The following GRIP1 variants were observed in gnomAD, a reference collection of about 807,000 sequenced individuals.
GRIP1 encodes the protein glutamate receptor interacting protein 1, also known as glutamate receptor-interacting protein 1.
A neutral mutation model predicts 129.9 loss-of-function variants in GRIP1; 45 were observed. The observed-to-expected ratio is 0.35, with a 90% confidence interval of 0.27 to 0.44. The LOEUF is 0.44. Among genes scored for constraint, GRIP1 ranks in the 20% least tolerant of loss-of-function variants. The pLI is 1.00. For missense variants in GRIP1, 1,196 were observed against 1,396.8 expected, an observed-to-expected ratio of 0.86 and a Z score of 2.29; for synonymous variants, 530 against 520.8, an observed-to-expected ratio of 1.02 and a Z score of -0.24.
chr12:66,871,777 A>G (rs952070099), intron 1 of GRIP1, among the ~76,000 whole-genome samples: 5 of 151,998 alleles, frequency 3.3e-5, no homozygotes, highest in African/African-American at 1.2e-4. Flanking sequence ...CCAGGTAGGG[A>G]TTTTGTTGAG....
chr12:66,736,499 A>G (rs1592791517), intron 1 of GRIP1, among the ~76,000 whole-genome samples: 1 of 151,700 alleles, frequency 6.6e-6, no homozygotes. Flanking sequence ...AAAGAAAATC[A>G]TAAGGAAGAG....
chr12:66,415,354 T>C (rs2057561320), intron 15 of GRIP1, among the ~76,000 whole-genome samples: 1 of 152,138 alleles, frequency 6.6e-6, no homozygotes, highest in South Asian at 2.1e-4. Context: ...GAAATACAAA[T>C]TGAAATCATA....
chr12:66,995,405 A>G (rs912299958), intron 1 of GRIP1, among the ~76,000 whole-genome samples: 8 of 152,176 alleles, frequency 5.3e-5, no homozygotes, highest in African/African-American at 1.9e-4. Context: ...TAACGTGAAA[A>G]TAACATCCAA....
At chr12:66,616,336 T>G (rs1034008947) in intron 1 of GRIP1, among the ~76,000 whole-genome samples, 1 of 152,132 alleles carries the variant, frequency 6.6e-6, no homozygotes, top group Non-Finnish European at 1.5e-5. Flanking sequence ...CAAATTAACA[T>G]GTTAACCCCA....
chr12:66,771,471 A>C (rs1229539962), intron 1 of GRIP1, among the ~76,000 whole-genome samples: 4 of 152,226 alleles, frequency 2.6e-5, no homozygotes, highest in Non-Finnish European at 5.9e-5. Flanking sequence ...CATTGAGTAC[A>C]TCATAAAGTA....
At chr12:66,672,281 T>C (rs2034117488) in intron 1 of GRIP1, among the ~76,000 whole-genome samples, 1 of 152,222 alleles carries the variant, frequency 6.6e-6, no homozygotes, top group Non-Finnish European at 1.5e-5. Context: ...TATTCAGCTA[T>C]TTAATAATGT....
intron 11 of GRIP1, among the ~76,000 whole-genome samples, chr12:66,452,164 A>G (rs1191600429): frequency 6.6e-6 from 1 of 152,196 alleles, no homozygotes; most frequent in African/African-American, 2.4e-5. Flanking sequence ...AGCAGGGCAA[A>G]CTAGCTAGAT....
At chr12:66,428,343 C>T (rs1251717526) in intron 14 of GRIP1, among the ~76,000 whole-genome samples, 2 of 152,112 alleles carry the variant, frequency 1.3e-5, no homozygotes, top group Non-Finnish European at 2.9e-5. Flanking sequence ...CCAATCTCTT[C>T]TAAATATACT....
intron 1 of GRIP1, among the ~76,000 whole-genome samples, chr12:66,911,039 T>C (rs1156832372): frequency 6.6e-6 from 1 of 152,234 alleles, no homozygotes; most frequent in African/African-American, 2.4e-5. Flanking sequence ...ATTGTGCTAA[T>C]GGATGGGGAT....
intron 1 of GRIP1, among the ~76,000 whole-genome samples, chr12:66,983,318 T>C (rs2042265526): frequency 6.6e-6 from 1 of 152,268 alleles, no homozygotes; most frequent in East Asian, 1.9e-4. Context: ...AACTATAATT[T>C]TCCTACTCAG....
At chr12:66,392,651 A>C (rs1258182144) in intron 18 of GRIP1, 26 bp downstream of exon 18, 2 of 1,613,434 alleles carry the variant, frequency 1.2e-6, no homozygotes, top group South Asian at 2.2e-5. Flanking sequence ...GAAATCCTTA[A>C]TTGTGGCTTT....
At chr12:66,889,515 C>T (rs2040621843) in intron 1 of GRIP1, among the ~76,000 whole-genome samples, 1 of 152,152 alleles carries the variant, frequency 6.6e-6, no homozygotes, top group Admixed American at 6.5e-5. Context: ...TATAATCCAA[C>T]ATTGCACATT....
chr12:67,034,288 G>C (rs2043063110), intron 1 of GRIP1, among the ~76,000 whole-genome samples: 1 of 152,188 alleles, frequency 6.6e-6, no homozygotes, highest in East Asian at 1.9e-4. Context: ...AAACTCACCA[G>C]GGGACGAAGG....
intron 7 of GRIP1, among the ~76,000 whole-genome samples, chr12:66,468,679 G>GTTGTTT (rs369526424): frequency 2.0e-5 from 3 of 149,170 alleles, no homozygotes; most frequent in African/African-American, 7.4e-5. Flanking sequence ...CCTTAAGTTA[G>GTTGTTT]TTTTTTTTTT....
chr12:67,005,752 C>T lies in GRIP1; in HGVS notation c.58+63298G>A, dbSNP rs535010510. ...CTGGGAGGTAGGTATCATTATCAAA[C>T]CCAGCTAAGAAAACTGCCACACAAA... On this transcript the variant is annotated intron_variant, in intron 1 of 1. Transcript: ENST00000643019. Among the ~76,000 whole-genome samples the T allele has an allele frequency of 1.7e-3, 252 of 152,288 alleles. 2 individuals carry two copies. The highest frequency in any genetic ancestry group is 5.4e-3 in the African/African-American group (226 of 41,560).
At chr12:66,810,039 G>C (rs560809142) in intron 1 of GRIP1, among the ~76,000 whole-genome samples, 2 of 152,212 alleles carry the variant, frequency 1.3e-5, no homozygotes, top group East Asian at 1.9e-4. Context: ...TGCTACAACA[G>C]AAAATATAGT....
chr12:66,364,443 A>G (rs375098168), intron 23 of GRIP1, among the ~76,000 whole-genome samples: 9 of 152,094 alleles, frequency 5.9e-5, no homozygotes, highest in Admixed American at 3.3e-4. Context: ...GTTCCTACAT[A>G]GGTAGCTGTA....
At chr12:67,024,360 G>GGA in intron 1 of GRIP1, among the ~76,000 whole-genome samples, 1 of 152,232 alleles carries the variant, frequency 6.6e-6, no homozygotes, top group East Asian at 1.9e-4. Context: ...CAGACCTGCA[G>GGA]CCATAGACAC....
chr12:66,444,505 A>G, intron 13 of GRIP1, 79 bp downstream of exon 13: 1 of 1,284,530 alleles, frequency 7.8e-7, no homozygotes, highest in Non-Finnish European at 1.1e-6. Flanking sequence ...AAAAAAAAAA[A>G]AAAAAAAAAT....
Sources: gnomAD v4.1 joint callset for allele counts (sites outside exome capture counted in the v4.1 genomes callset) on GRCh38, gnomAD v4.1.1 for gene constraint, MANE v1.5 for transcripts, NCBI Gene and HGNC (gene_info 2026-07-23, HGNC 2026-07-21) for gene names.